KIAA1958: variants seen among roughly 807,000 people sequenced by gnomAD.
KIAA1958 encodes the protein KIAA1958, also known as uncharacterized protein KIAA1958.
Under a neutral mutation model 47.2 loss-of-function variants are expected in KIAA1958, and 14 were observed. The ratio of observed to expected loss-of-function variants is 0.30; its 90% CI spans 0.20 to 0.46. The LOEUF is 0.46. Ranked by LOEUF, KIAA1958 falls within the 20% of genes least tolerant of loss-of-function variation. KIAA1958 has a pLI of 1.00. For missense variants in KIAA1958, 803 were observed against 909.2 expected (o/e 0.88, Z 1.50); for synonymous variants, 354 against 353.3 (o/e 1.00, Z -0.02).
intron 1 of KIAA1958, among the ~76,000 whole-genome samples, chr9:112,545,898 A>G (rs1835023752): frequency 8.4e-6 from 1 of 119,378 alleles, no homozygotes; most frequent in Non-Finnish European, 1.7e-5. Context: ...GCCTTTATTG[A>G]TTTGGATATT....
chr9:112,651,318 T>C (rs1326322207), intron 3 of KIAA1958, among the ~76,000 whole-genome samples: 1 of 151,554 alleles, frequency 6.6e-6, no homozygotes, highest in African/African-American at 2.4e-5. Flanking sequence ...TCATATAGAA[T>C]ATGTTCTCTG....
At chr9:112,516,081 CTA>C (rs1193755291) in intron 1 of KIAA1958, among the ~76,000 whole-genome samples, 4 of 151,994 alleles carry the variant, frequency 2.6e-5, no homozygotes, top group African/African-American at 9.7e-5. Context: ...AAATGATTGT[CTA>C]TGTAGCAAAT....
intron 2 of KIAA1958, chr9:112,582,618 A>T (rs900728011): frequency 7.8e-5 from 12 of 154,040 alleles, no homozygotes; most frequent in African/African-American, 2.9e-4. Flanking sequence ...ATATTAGGCA[A>T]GTGACAACTC....
At chr9:112,655,531 C>T (rs1837135662) in intron 3 of KIAA1958, among the ~76,000 whole-genome samples, 1 of 152,214 alleles carries the variant, frequency 6.6e-6, no homozygotes, top group East Asian at 1.9e-4. Flanking sequence ...CAGGCATAAC[C>T]AAACACAGGT....
At chr9:112,567,433 C>G (rs960677906) in intron 1 of KIAA1958, among the ~76,000 whole-genome samples, 4 of 152,118 alleles carry the variant, frequency 2.6e-5, no homozygotes, top group African/African-American at 9.7e-5. Flanking sequence ...CAGGAGGCCT[C>G]TGTAGTTCCA....
At chr9:112,555,891 A>G (rs930150977) in intron 1 of KIAA1958, among the ~76,000 whole-genome samples, 31 of 149,100 alleles carry the variant, frequency 2.1e-4, no homozygotes, top group African/African-American at 7.3e-4. Flanking sequence ...CCTGGCCAAC[A>G]TGGTAAAACC....
intron 2 of KIAA1958, among the ~76,000 whole-genome samples, chr9:112,575,901 TA>T (rs1357000148): frequency 6.6e-6 from 1 of 152,204 alleles, no homozygotes; most frequent in Non-Finnish European, 1.5e-5. Context: ...TCTAACGTTC[TA>T]ATGTTCTTTA....
At chr9:112,650,719 A>G (rs1837042863) in intron 3 of KIAA1958, among the ~76,000 whole-genome samples, 1 of 152,216 alleles carries the variant, frequency 6.6e-6, no homozygotes, top group African/African-American at 2.4e-5. Context: ...TGATAATTAT[A>G]TCTACCCATG....
At chr9:112,547,926 T>G (rs2132833783) in intron 1 of KIAA1958, among the ~76,000 whole-genome samples, 1 of 151,918 alleles carries the variant, frequency 6.6e-6, no homozygotes, top group East Asian at 1.9e-4. Context: ...ACCCAGATAC[T>G]TTTTTCTTTC....
In KIAA1958 at chr9:112,618,024, A is replaced by T. The variant is rs1564191767; in HGVS notation, c.1172-27626A>T. 6.4e-7 allele frequency: 1 copy of T among 1,550,582 alleles called. No homozygotes were observed. Among genetic ancestry groups the T allele is most frequent in the Non-Finnish European group, 8.7e-7 (1 of 1,147,004 alleles). On this transcript the variant is annotated intron_variant, in intron 2 of 3. Transcript: ENST00000337530. The surrounding 1 kb of genome is among the most constrained non-coding windows in gnomAD (Gnocchi z 7.1). Reference sequence around the variant, plus strand: ...TATGTCATCCCTTGCAAGGAGTTGGATGCCTACCTTGCCTCTTTCTTTGTT... The same window carrying T: ...TATGTCATCCCTTGCAAGGAGTTGGTTGCCTACCTTGCCTCTTTCTTTGTT...
chr9:112,661,576 G>T lies in KIAA1958; in HGVS notation c.*1507G>T, dbSNP rs1326168179. The T allele has an allele frequency of 6.6e-6, 1 of 151,976 alleles. No homozygotes were observed. The highest frequency in any genetic ancestry group is 2.1e-4 in the South Asian group (1 of 4,816). The allele number at this position is 151,976 out of a possible 1,614,324, so 9.4% of individuals were successfully genotyped here. On this transcript the variant is annotated 3_prime_UTR_variant, in exon 4 of 4. Transcript: ENST00000337530. ...ATTTTAGTATTTATTTTAATTAATTGGTTTCTTAAAAAATCATACACTAGT... is the reference window on the plus strand; with the variant it reads ...ATTTTAGTATTTATTTTAATTAATTTGTTTCTTAAAAAATCATACACTAGT...
At chr9:112,532,986 T>G (rs1834777324) in intron 1 of KIAA1958, among the ~76,000 whole-genome samples, 1 of 152,196 alleles carries the variant, frequency 6.6e-6, no homozygotes. Context: ...ATATTTTTTT[T>G]TCAGATACCT....
At chr9:112,528,201 C>T (rs1338582551) in intron 1 of KIAA1958, among the ~76,000 whole-genome samples, 5 of 152,174 alleles carry the variant, frequency 3.3e-5, no homozygotes, top group Non-Finnish European at 5.9e-5. Flanking sequence ...CATTGTTCCT[C>T]TAAAAAGCCT....
intron 2 of KIAA1958, among the ~76,000 whole-genome samples, chr9:112,637,680 C>G (rs1469312649): frequency 6.6e-6 from 1 of 151,996 alleles, no homozygotes; most frequent in Non-Finnish European, 1.5e-5. Context: ...CTGGCCTTAC[C>G]TTTATTTTTG....
At chr9:112,537,339 T>G (rs952044722) in intron 1 of KIAA1958, among the ~76,000 whole-genome samples, 3 of 152,102 alleles carry the variant, frequency 2.0e-5, no homozygotes, top group African/African-American at 7.2e-5. Flanking sequence ...ACTCCTGAGC[T>G]CAAATGATCC....
intron 1 of KIAA1958, among the ~76,000 whole-genome samples, chr9:112,573,717 T>G (rs1478172393): frequency 6.6e-6 from 1 of 152,224 alleles, no homozygotes; most frequent in Non-Finnish European, 1.5e-5. Context: ...GTCAGTGACT[T>G]TGGAAGTAAA....
intron 2 of KIAA1958, among the ~76,000 whole-genome samples, chr9:112,642,644 C>T (rs1836911251): frequency 1.3e-5 from 2 of 152,204 alleles, no homozygotes; most frequent in Non-Finnish European, 2.9e-5. Context: ...TTTGTCCTGT[C>T]CTCTGGCAGA....
intron 1 of KIAA1958, among the ~76,000 whole-genome samples, chr9:112,518,815 A>C (rs7032299): frequency 6.6e-6 from 1 of 152,158 alleles, no homozygotes; most frequent in African/African-American, 2.4e-5. Flanking sequence ...GACATATAAC[A>C]GTTCACTAAG....
At position 112,660,564 on chromosome 9, in the gene KIAA1958, C is replaced by A; in HGVS notation, c.*495C>A. 1 of 157,882 alleles carries A rather than the reference C, an allele frequency of 6.3e-6. No homozygotes were observed. The highest frequency in any genetic ancestry group is 1.9e-4 in the South Asian group (1 of 5,394). The allele number at this position is 157,882 out of a possible 1,614,324, so 9.8% of individuals were successfully genotyped here. ...CAGGAGACAGATTGCGCTTGATGCG[C>A]CTTTTTTTTCTGTTGGTGGATAAGG... On this transcript the variant is annotated 3_prime_UTR_variant, in exon 4 of 4. Coordinates refer to ENST00000337530, the MANE Select transcript of KIAA1958 (RefSeq NM_133465.4).
Sources: gnomAD v4.1 joint callset for allele counts (sites outside exome capture counted in the v4.1 genomes callset) on GRCh38, gnomAD v4.1.1 for gene constraint, Gnocchi (gnomAD v3.1) non-coding constraint, MANE v1.5 for transcripts, NCBI Gene and HGNC (gene_info 2026-07-23, HGNC 2026-07-21) for gene names.